Variants in RP1 observed in about 807,000 individuals in gnomAD.
The protein encoded by RP1 is oxygen-regulated protein 1.
In RP1, 16 loss-of-function variants were observed where a neutral mutation model predicts 14.8. That is an observed-to-expected ratio of 1.08 (90% confidence interval 0.73 to 1.65). The LOEUF (loss-of-function observed/expected upper bound fraction) is 1.65. Ranked by LOEUF, RP1 falls within the 40% of genes most tolerant of loss-of-function variation. The pLI, the probability that RP1 is intolerant of heterozygous loss-of-function variation, is 0.00. For missense variants in RP1, 2,631 were observed against 2,535.0 expected (o/e 1.04, Z -0.81); for synonymous variants, 876 against 883.6 (o/e 0.99, Z 0.15).
chr8:54,693,167 A>T (rs1187677547), intron 12 of RP1, among the ~76,000 whole-genome samples: 2 of 152,016 alleles, frequency 1.3e-5, no homozygotes, highest in Admixed American at 1.3e-4. Flanking sequence ...GTTCTGTTCC[A>T]TTGGTCTATA....
chr8:54,580,771 A>C (rs1804771696), intron 1 of RP1, among the ~76,000 whole-genome samples: 3 of 151,928 alleles, frequency 2.0e-5, no homozygotes, highest in Non-Finnish European at 4.4e-5. Flanking sequence ...GGCCTGTGCC[A>C]CCATGCCCAG....
At position 54,708,535 on chromosome 8, in the gene RP1, A is replaced by G. The variant is rs182315620; in HGVS notation, c.2211+1880A>G. ...TGCCCAGCTAAATTTTTGTGTTTGT[A>G]TTTTTAGTAGAGACGGTGTTTCACC... On this transcript the variant is annotated intron_variant, in intron 15 of 22. Coordinates refer to the RP1 transcript ENST00000636932. 3.3e-3 allele frequency among the ~76,000 whole-genome samples: 494 copies of G among 151,966 alleles called. 3 individuals are homozygous for G. The highest frequency in any genetic ancestry group is 0.011 in the African/African-American group (475 of 41,444).
chr8:54,750,104 T>C (rs757689194), intron 19 of RP1, among the ~76,000 whole-genome samples: 2 of 152,154 alleles, frequency 1.3e-5, no homozygotes, highest in Non-Finnish European at 2.9e-5. Context: ...AATAGAAAAC[T>C]GAACGTTTGG....
chr8:54,840,623 G>GT (rs35305035), intron 25 of RP1, among the ~76,000 whole-genome samples: 95,260 of 141,682 alleles, frequency 0.67, 32,041 homozygotes, highest in African/African-American at 0.73. Flanking sequence ...AGGCAGTTGT[G>GT]TTTTTTTTTT....
At chr8:54,743,906 C>A (rs189371871) in intron 19 of RP1, among the ~76,000 whole-genome samples, 3 of 152,168 alleles carry the variant, frequency 2.0e-5, no homozygotes, top group Admixed American at 2.0e-4. Flanking sequence ...TCCCAAGATG[C>A]TCCCCAATAA....
intron 24 of RP1, among the ~76,000 whole-genome samples, chr8:54,817,880 C>T (rs557917291): frequency 6.6e-6 from 1 of 152,214 alleles, no homozygotes; most frequent in Non-Finnish European, 1.5e-5. Flanking sequence ...GTTCCACTAG[C>T]AGAGAAAGTC....
intron 1 of RP1, among the ~76,000 whole-genome samples, chr8:54,604,521 A>T (rs1398098780): frequency 1.3e-5 from 2 of 152,138 alleles, no homozygotes; most frequent in African/African-American, 4.8e-5. Flanking sequence ...TGTCTCTGCC[A>T]GGCTTTGGTA....
At chr8:54,692,770 C>G (rs1295085871) in intron 12 of RP1, among the ~76,000 whole-genome samples, 1 of 150,758 alleles carries the variant, frequency 6.6e-6, no homozygotes, top group Non-Finnish European at 1.5e-5. Context: ...TGTAGGTTGC[C>G]TGTTCACTCT....
chr8:54,709,987 G>T (rs1055159709), intron 15 of RP1, among the ~76,000 whole-genome samples: 1 of 152,146 alleles, frequency 6.6e-6, no homozygotes, highest in Non-Finnish European at 1.5e-5. Flanking sequence ...ATGTGGATGA[G>T]GTATTGGCTG....
At chr8:54,701,315 G>A (rs1808010864) in intron 13 of RP1, among the ~76,000 whole-genome samples, 1 of 152,088 alleles carries the variant, frequency 6.6e-6, no homozygotes, top group African/African-American at 2.4e-5. Context: ...GCAAGTCATT[G>A]GAATTAAGTC....
intron 15 of RP1, among the ~76,000 whole-genome samples, chr8:54,707,692 T>C (rs149857955): frequency 1.3e-5 from 2 of 152,314 alleles, no homozygotes; most frequent in African/African-American, 2.4e-5. Flanking sequence ...TCTTGGGGTA[T>C]GAGGAGGGAG....
At chr8:54,815,497 T>C (rs1355168933) in intron 24 of RP1, among the ~76,000 whole-genome samples, 1 of 152,242 alleles carries the variant, frequency 6.6e-6, no homozygotes, top group Non-Finnish European at 1.5e-5. Context: ...CCAGACAATG[T>C]TGCTTGGTAA....
intron 27 of RP1, among the ~76,000 whole-genome samples, chr8:54,864,201 G>T (rs1303111653): frequency 6.6e-6 from 1 of 152,106 alleles, no homozygotes; most frequent in Non-Finnish European, 1.5e-5. Flanking sequence ...TGAGGAAGGT[G>T]GTGGTGACAA....
At chr8:54,592,152 T>A (rs1004840478) in intron 1 of RP1, among the ~76,000 whole-genome samples, 42 of 152,234 alleles carry the variant, frequency 2.8e-4, no homozygotes, top group African/African-American at 1.0e-3. Context: ...ACAATTTGAA[T>A]CCCTTTTTGA....
intron 17 of RP1, chr8:54,726,480 A>G (rs1187539974): frequency 5.9e-6 from 9 of 1,522,630 alleles, no homozygotes; most frequent in Non-Finnish European, 7.9e-6. Context: ...ACTGCAAGTA[A>G]GCCACAGCTT....
intron 1 of RP1, among the ~76,000 whole-genome samples, chr8:54,593,687 C>T (rs929871248): frequency 2.0e-5 from 3 of 152,196 alleles, no homozygotes; most frequent in Non-Finnish European, 4.4e-5. Context: ...GACAGGTGGC[C>T]AAGCTGCTTG....
intron 12 of RP1, among the ~76,000 whole-genome samples, chr8:54,682,179 T>C (rs1563346425): frequency 6.6e-6 from 1 of 152,246 alleles, no homozygotes; most frequent in East Asian, 1.9e-4. Context: ...AAGCATGCCT[T>C]TTTCTCTGCA....
At chr8:54,746,482 A>G (rs1444352605) in intron 19 of RP1, among the ~76,000 whole-genome samples, 2 of 152,224 alleles carry the variant, frequency 1.3e-5, no homozygotes, top group Non-Finnish European at 2.9e-5. Context: ...GTTGTAGAAT[A>G]TTAATCCAGG....
intron 1 of RP1, among the ~76,000 whole-genome samples, chr8:54,580,982 A>G (rs915297545): frequency 6.7e-6 from 1 of 149,644 alleles, no homozygotes; most frequent in African/African-American, 2.4e-5. Flanking sequence ...TCAGGACTCA[A>G]ATTCTTTTTA....
Sources: gnomAD v4.1 joint callset for allele counts (sites outside exome capture counted in the v4.1 genomes callset) on GRCh38, gnomAD v4.1.1 for gene constraint, MANE v1.5 for transcripts, NCBI Gene and HGNC (gene_info 2026-07-23, HGNC 2026-07-21) for gene names.